Variants in PHF1 observed in about 807,000 individuals in gnomAD.
PHF1 encodes polycomb-like 1.
Under a neutral mutation model 69.4 loss-of-function variants are expected in PHF1, and 16 were observed. The observed-to-expected ratio is 0.23, with a 90% CI of 0.16 to 0.35. PHF1 has a LOEUF of 0.35. Ranked by LOEUF, PHF1 falls within the 10% of genes least tolerant of loss-of-function variation. PHF1 has a pLI of 1.00. For synonymous variants in PHF1, 274 were observed against 275.0 expected (o/e 1.00, Z 0.04); for missense variants, 515 against 732.8 (o/e 0.70, Z 3.43).
In PHF1 at chr6:33,414,920, G is replaced by A. The variant is rs1223286450; in HGVS notation, c.1050-35G>A. 6.6e-7 allele frequency: 1 copy of A among 1,518,936 alleles called. No homozygotes were observed. The highest frequency in any genetic ancestry group is 1.3e-5 in the South Asian group (1 of 79,356). The allele number at this position is 1,518,936 out of a possible 1,614,324, so 94.1% of individuals were successfully genotyped here. ...GATGGGGAGGTCTTGGGGGTGTCCG[G>A]GAGGGGGCTGGGGGGATAAGGAGGC... On this transcript the variant is annotated intron_variant, in intron 11 of 14. Coordinates refer to ENST00000374516, the MANE Select transcript of PHF1 (RefSeq NM_024165.3). The surrounding 1 kb of genome is among the most constrained non-coding windows in gnomAD (Gnocchi z 5.0).
rs1226913541 is a variant in PHF1 at position 33,411,118 on chromosome 6, G to GC, written c.-107dup. The GC allele has an allele frequency of 3.9e-5, 6 of 151,912 alleles. No homozygotes were observed. The South Asian group carries it at 8.3e-4, about 21-fold the overall frequency. The allele number at this position is 151,912 out of a possible 1,614,324, so 9.4% of individuals were successfully genotyped here. The stretch of plus-strand genomic sequence containing the variant: ...GGGACCCCCCGGCCTCCGCCTGCAC[G>GC]CCCCCCCACGCCCGGACGTGCCCTC... On this transcript the variant is annotated 5_prime_UTR_variant, in exon 1 of 15. Coordinates refer to ENST00000374516, the MANE Select transcript of PHF1 (RefSeq NM_024165.3).
In PHF1 at chr6:33,412,411, A is replaced by G. The variant is rs941777820; in HGVS notation, c.148A>G (p.Thr50Ala). 7.4e-6 allele frequency: 12 copies of G among 1,614,116 alleles called. No homozygotes were observed. Among genetic ancestry groups the G allele is most frequent in the Admixed American group, 3.3e-5 (2 of 60,016 alleles). ...GACTGATGGGCTGCTATACTTGGGT[A>G]CCATCAAAAAGGTAAGACCTTCTAC... is the stretch of plus-strand genomic sequence containing the variant. Reference protein sequence around the residue: ...RWTDGLLYLGTIKKVDSAREV... With the variant: ...RWTDGLLYLGAIKKVDSAREV... Residue 50 changes from threonine (T) to alanine (A), a missense_variant, in exon 2 of 15, where the codon ACC (threonine) becomes GCC (alanine). This residue lies in a region of PHF1 where 22 missense variants were observed against 48.9 expected (regional missense o/e 0.45). Transcript: ENST00000374516. This position sits in a 1 kb window ranked among gnomAD's most constrained non-coding sequence, Gnocchi z 4.2.
intron 7 of PHF1, 41 bp from the exon 8 acceptor site, chr6:33,414,000 T>A (rs1776261002): frequency 6.2e-7 from 1 of 1,611,426 alleles, no homozygotes; most frequent in African/African-American, 1.3e-5. Context: ...TGGCACAGTT[T>A]TCCTGTGTAA....
chr6:33,414,448 CT>C lies in PHF1; in HGVS notation c.877-28del. 6.2e-7 allele frequency: 1 copy of C among 1,613,726 alleles called. No homozygotes were observed. Among genetic ancestry groups the C allele is most frequent in the Non-Finnish European group, 8.5e-7 (1 of 1,179,644 alleles). ...GGGAAGAGAAGAAATCACTGCTCCC[CT>C]GGCCCCATTTTTCTTCATTTCTCCC... On this transcript the variant is annotated intron_variant, in intron 9 of 14. Coordinates refer to ENST00000374516, the MANE Select transcript of PHF1 (RefSeq NM_024165.3). This position sits in a 1 kb window ranked among gnomAD's most constrained non-coding sequence, Gnocchi z 5.0.
In PHF1 at chr6:33,415,221, G is replaced by C. The variant is rs777818163; in HGVS notation, c.1240-14G>C. ...GTCAAGGATTATCTCTCAGTCCTTT[G>C]CCCCCTCTTCTAGGCCTCAGTGTCT... On this transcript the variant is annotated splice_polypyrimidine_tract_variant and intron_variant, in intron 12 of 14. Coordinates refer to ENST00000374516, the MANE Select transcript of PHF1 (RefSeq NM_024165.3). 1.2e-6 allele frequency: 2 copies of C among 1,612,784 alleles called. No individual in the cohort carries two copies.
At position 33,412,429 on chromosome 6, in the gene PHF1, C is replaced by T. The variant is rs554931552; in HGVS notation, c.159+7C>T. 52 of 1,614,210 alleles carry T rather than the reference C, an allele frequency of 3.2e-5. 1 individual carries two copies. The South Asian group carries it at 4.2e-4, about 13-fold the overall frequency. On this transcript the variant is annotated splice_region_variant and intron_variant, in intron 2 of 14. Transcript: ENST00000374516. The surrounding 1 kb of genome is among the most constrained non-coding windows in gnomAD (Gnocchi z 4.2). Reference sequence around the variant, plus strand: ...CTTGGGTACCATCAAAAAGGTAAGACCTTCTACCTCTGACCTTCTTCCTAG... The same window carrying T: ...CTTGGGTACCATCAAAAAGGTAAGATCTTCTACCTCTGACCTTCTTCCTAG...
rs1462827323 is a variant in PHF1, at chr6:33,412,916, G to A, written c.337+123G>A. 2.4e-6 allele frequency: 2 copies of A among 827,788 alleles called. No individual in the cohort carries two copies. The highest frequency in any genetic ancestry group is 2.0e-6 in the Non-Finnish European group (1 of 500,080). The allele number at this position is 827,788 out of a possible 1,614,324, so 51.3% of individuals were successfully genotyped here. On this transcript the variant is annotated intron_variant, in intron 4 of 14. Transcript: ENST00000374516. This position sits in a 1 kb window ranked among gnomAD's most constrained non-coding sequence, Gnocchi z 4.2. ...GGCCAGGCTGCTTAGCCTTATCTTA[G>A]TCCTCATCCGCTTTCAGCCCAGGGA...
At position 33,414,416 on chromosome 6, in the gene PHF1, C is replaced by G. The variant is rs770727153; in HGVS notation, c.876+50C>G. On this transcript the variant is annotated intron_variant, in intron 9 of 14. Coordinates refer to ENST00000374516, the MANE Select transcript of PHF1 (RefSeq NM_024165.3). The surrounding 1 kb of genome is among the most constrained non-coding windows in gnomAD (Gnocchi z 5.0). ...GTTGGGATGGGACAGGGAGATGTAGCGGAAAGGGGAAGAGAAGAAATCACT... is the reference window on the plus strand; with the variant it reads ...GTTGGGATGGGACAGGGAGATGTAGGGGAAAGGGGAAGAGAAGAAATCACT... 1.2e-6 allele frequency: 2 copies of G among 1,613,324 alleles called. No homozygotes were observed. Among genetic ancestry groups the G allele is most frequent in the Admixed American group, 3.3e-5 (2 of 59,982 alleles).
chr6:33,413,910 C>G, intron 7 of PHF1, 79 bp downstream of exon 7: 1 of 1,526,970 alleles, frequency 6.5e-7, no homozygotes, highest in Non-Finnish European at 9.1e-7. Flanking sequence ...CCACGCCCTT[C>G]TCCACTCCAG....
chr6:33,415,523 C>T, intron 13 of PHF1, 67 bp from the exon 14 acceptor site: 2 of 1,522,550 alleles, frequency 1.3e-6, no homozygotes, highest in Non-Finnish European at 1.8e-6. Flanking sequence ...TTGAGCTCTG[C>T]ACTTCCCAGG....
chr6:33,414,544 G>T lies in PHF1; in HGVS notation c.944G>T (p.Arg315Leu), dbSNP rs1291642306. Residue 315 changes from arginine (R) to leucine (L), a missense_variant and splice_region_variant, in exon 10 of 15, where the codon CGT becomes CTT. Arg to Leu is a moderately radical substitution (Grantham distance 102). Around this residue, in one of 5 missense-constraint regions of PHF1, gnomAD observed 142 missense variants for 309.7 expected, o/e 0.46. Coordinates refer to ENST00000374516, the MANE Select transcript of PHF1 (RefSeq NM_024165.3). The surrounding 1 kb of genome is among the most constrained non-coding windows in gnomAD (Gnocchi z 5.0). ...LLSALNSHKD[R>L]FISGREIKKR... Reference sequence around the variant, plus strand: ...TCTGCTCTTAACAGCCACAAGGACCGGTGAGTTGGAGGGAAGAGGAGGCAA... The same window carrying T: ...TCTGCTCTTAACAGCCACAAGGACCTGTGAGTTGGAGGGAAGAGGAGGCAA... 3 of 1,613,666 alleles carry T rather than the reference G, an allele frequency of 1.9e-6. No homozygotes were observed. The highest frequency in any genetic ancestry group is 2.5e-6 in the Non-Finnish European group (3 of 1,179,608).
In PHF1 at chr6:33,416,145, C is replaced by A. The variant is rs546629516; in HGVS notation, c.*47C>A. 1.4e-6 allele frequency: 2 copies of A among 1,469,120 alleles called. No individual in the cohort carries two copies. Among genetic ancestry groups the A allele is most frequent in the Admixed American group, 4.5e-5 (2 of 44,746 alleles). 91.0% of individuals were successfully genotyped at this position (1,469,120 alleles called of 1,614,324 possible). A position where few individuals can be genotyped will look rare whatever the true frequency, so the allele number is the denominator to read the frequency against. The stretch of plus-strand genomic sequence containing the variant: ...CCCCATTCACACACACCGGCACTTT[C>A]ATACCCTGACCTCTGACCTCACCTA... On this transcript the variant is annotated 3_prime_UTR_variant, in exon 15 of 15. Coordinates refer to ENST00000374516, the MANE Select transcript of PHF1 (RefSeq NM_024165.3).
chr6:33,414,616 G>T lies in PHF1; in HGVS notation c.944+72G>T. 1.9e-6 allele frequency: 3 copies of T among 1,573,358 alleles called. No homozygotes were observed. The Admixed American group carries it at 5.1e-5, about 27-fold the overall frequency. ...GGAGAGTGGAAGCCTGGAAGGGGAG[G>T]GGCTTGCAACCCACCTGGAAGACTG... On this transcript the variant is annotated intron_variant, in intron 10 of 14. Coordinates refer to ENST00000374516, the MANE Select transcript of PHF1 (RefSeq NM_024165.3). This position sits in a 1 kb window ranked among gnomAD's most constrained non-coding sequence, Gnocchi z 5.0.
intron 13 of PHF1, 83 bp downstream of exon 13, chr6:33,415,412 C>T (rs1344315679): frequency 7.0e-6 from 9 of 1,290,740 alleles, no homozygotes; most frequent in Non-Finnish European, 9.9e-6. Flanking sequence ...GAATTCTTTT[C>T]CCTCTCCCCC....
At position 33,414,085 on chromosome 6, in the gene PHF1, A is replaced by T. The variant is rs751708549; in HGVS notation, c.728A>T (p.Lys243Ile). 6.2e-7 allele frequency: 1 copy of T among 1,614,002 alleles called. No individual in the cohort carries two copies. The highest frequency in any genetic ancestry group is 8.5e-7 in the Non-Finnish European group (1 of 1,180,014). ...TGTGTGTGTCGCGGGGGCCCTGAGA[A>T]AGTCCGGAGACTACAGCTTCGCTGG... The part of the protein sequence containing the change: ...ECCVCRGGPE[K>I]VRRLQLRWVD... Residue 243 changes from lysine to isoleucine, a missense_variant, in exon 8 of 15, where the codon AAA (lysine) becomes ATA (isoleucine). Transcript: ENST00000374516. The surrounding 1 kb of genome is among the most constrained non-coding windows in gnomAD (Gnocchi z 5.0).
Position 33,412,838 on chromosome 6 carries a change from C to G in PHF1, c.337+45C>G. ...GAATGGTCCAGCTTGCTCTTCCCTC[C>G]AGGATGGTCTCTATATCACCTGTCC... On this transcript the variant is annotated intron_variant, in intron 4 of 14. Transcript: ENST00000374516. The surrounding 1 kb of genome is among the most constrained non-coding windows in gnomAD (Gnocchi z 4.2). 1 of 1,503,486 alleles carries G rather than the reference C, an allele frequency of 6.7e-7. No individual in the cohort carries two copies. The allele number at this position is 1,503,486 out of a possible 1,614,324, so 93.1% of individuals were successfully genotyped here. A position where few individuals can be genotyped will look rare whatever the true frequency, so the allele number is the denominator to read the frequency against.
chr6:33,411,991 A>C (rs113697385), intron 1 of PHF1, among the ~76,000 whole-genome samples: 1 of 152,142 alleles, frequency 6.6e-6, no homozygotes, highest in East Asian at 1.9e-4. Flanking sequence ...CCAACACCTC[A>C]TCTCTACTAA....
At chr6:33,413,652 G>A (rs1776237811) in intron 6 of PHF1, 84 bp from the exon 7 acceptor site, 1 of 1,598,966 alleles carries the variant, frequency 6.3e-7, no homozygotes, top group Non-Finnish European at 8.6e-7. Flanking sequence ...GTAGCACTCA[G>A]GGGGATAGGA....
rs1270424452 is a variant in PHF1, at chr6:33,414,387, G to C, written c.876+21G>C. 4 of 1,613,858 alleles carry C rather than the reference G, an allele frequency of 2.5e-6. No homozygotes were observed. Among genetic ancestry groups the C allele is most frequent in the South Asian group, 2.2e-5 (2 of 91,088 alleles). On this transcript the variant is annotated intron_variant, in intron 9 of 14. Coordinates refer to ENST00000374516, the MANE Select transcript of PHF1 (RefSeq NM_024165.3). The surrounding 1 kb of genome is among the most constrained non-coding windows in gnomAD (Gnocchi z 5.0). ...GGGAGGTAAGGGGTAGTGCAGTTTT[G>C]GGGGTTGGGATGGGACAGGGAGATG... is the stretch of plus-strand genomic sequence containing the variant.
Sources: allele counts gnomAD v4.1 joint callset (sites outside exome capture counted in the v4.1 genomes callset), GRCh38; gene constraint gnomAD v4.1.1; regional missense constraint gnomAD v4.1.1; non-coding constraint Gnocchi (gnomAD v3.1); transcripts MANE v1.5; gene names NCBI Gene and HGNC (gene_info 2026-07-23, HGNC 2026-07-21).